TLDC2: variants seen among roughly 807,000 people sequenced by gnomAD.
The protein encoded by TLDC2 is TLD domain-containing protein 2.
TLDC2 carries 23 observed loss-of-function variants against 27.9 expected under a neutral mutation model. That is an observed-to-expected ratio of 0.82 (90% CI 0.59 to 1.17). The LOEUF (loss-of-function observed/expected upper bound fraction) is 1.17. Among genes scored for constraint, TLDC2 ranks in the 50% most tolerant of loss-of-function variants. The pLI is 0.00. For missense variants in TLDC2, 286 were observed against 273.4 expected (o/e 1.05, Z -0.32); for synonymous variants, 124 against 107.4 (o/e 1.16, Z -0.96).
chr20:36,877,670 G>A (rs1468111021), intron 1 of TLDC2, among the ~76,000 whole-genome samples: 1 of 152,156 alleles, frequency 6.6e-6, no homozygotes, highest in Non-Finnish European at 1.5e-5. Context: ...GGGGTGGGGG[G>A]ACTGTGCTCC....
intron 4 of TLDC2, among the ~76,000 whole-genome samples, chr20:36,884,764 AAAATAAAT>A (rs11472647): frequency 3.7e-4 from 53 of 144,664 alleles, no homozygotes; most frequent in Middle Eastern, 3.5e-3. Context: ...CCTGTCTCTA[AAAATAAAT>A]AAATAAATAA....
At chr20:36,888,286 C>A (rs1989970087) in intron 5 of TLDC2, among the ~76,000 whole-genome samples, 1 of 151,696 alleles carries the variant, frequency 6.6e-6, no homozygotes, top group African/African-American at 2.4e-5. Context: ...GGCTGGAGTG[C>A]AGTGGTGTGA....
chr20:36,880,070 C>CATATATATATGTAT (rs1568748341), intron 3 of TLDC2, among the ~76,000 whole-genome samples: 1 of 73,054 alleles, frequency 1.4e-5, no homozygotes, highest in African/African-American at 4.7e-5. Flanking sequence ...TATATATATA[C>CATATATATATGTAT]ATATATATAT....
intron 6 of TLDC2, chr20:36,890,156 G>A (rs1990025737): frequency 6.6e-6 from 1 of 152,230 alleles, no homozygotes; most frequent in African/African-American, 2.4e-5. Context: ...TATGAAAGGA[G>A]TAAATGAGTA....
Position 36,893,182 on chromosome 20 carries a change from C to T in TLDC2, c.*338C>T. 7.6e-7 allele frequency: 1 copy of T among 1,315,210 alleles called. No homozygotes were observed. The highest frequency in any genetic ancestry group is 1.5e-5 in the African/African-American group (1 of 68,754). 81.5% of individuals were successfully genotyped at this position (1,315,210 alleles called of 1,614,324 possible). On this transcript the variant is annotated 3_prime_UTR_variant, in exon 7 of 7. Coordinates refer to ENST00000217320, the MANE Select transcript of TLDC2 (RefSeq NM_080628.3). ...CATCTTGCATATAGATTGCTTCTAG[C>T]TGTCCTCAATCCAGGGAAACTCCAA...
intron 6 of TLDC2, chr20:36,890,396 C>CCCTTTTTCTTTCTTTCTTTCTTTCTT: frequency 7.0e-6 from 1 of 142,450 alleles, no homozygotes; most frequent in East Asian, 2.1e-4. Flanking sequence ...ATATTTCTTT[C>CCCTTTTTCTTTCTTTCTTTCTTTCTT]TCTTTCTTTC....
At chr20:36,877,744 C>T (rs1280133027) in intron 1 of TLDC2, among the ~76,000 whole-genome samples, 155 bp from the exon 2 acceptor site, 6 of 152,156 alleles carry the variant, frequency 3.9e-5, no homozygotes, top group South Asian at 2.1e-4. Flanking sequence ...TCCTGTCTGT[C>T]GTGGAAACCC....
At chr20:36,887,791 A>T (rs1291139) in intron 5 of TLDC2, among the ~76,000 whole-genome samples, 115,150 of 152,120 alleles carry the variant, frequency 0.76, 44,611 homozygotes, top group Middle Eastern at 0.88. Flanking sequence ...ACTTTGGGAA[A>T]AGAATTCCAC....
intron 5 of TLDC2, among the ~76,000 whole-genome samples, chr20:36,887,808 G>A (rs1989956191): frequency 6.6e-6 from 1 of 152,216 alleles, no homozygotes; most frequent in African/African-American, 2.4e-5. Flanking sequence ...CCACATGGTT[G>A]GATGAGACTA....
Position 36,889,314 on chromosome 20 carries a change from C to T in TLDC2, c.576C>T (p.Thr192=). ...GCGGGGGAAGCTCCCCTTGCCCGAC[C>T]TTCAACAACGAGGTGCTGGCCCGGC... ...LFRGGSSPCP[T]FNNEVLARQE... The change falls in exon 6 of 7, where the codon ACC becomes ACT. Residue 192 remains threonine (T), a synonymous_variant. Coordinates refer to ENST00000217320, the MANE Select transcript of TLDC2 (RefSeq NM_080628.3). 6.2e-7 allele frequency: 1 copy of T among 1,614,210 alleles called. No homozygotes were observed. The highest frequency in any genetic ancestry group is 8.5e-7 in the Non-Finnish European group (1 of 1,180,036).
At chr20:36,888,946 C>T (rs1218405840) in intron 5 of TLDC2, among the ~76,000 whole-genome samples, 2 of 151,930 alleles carry the variant, frequency 1.3e-5, no homozygotes, top group Non-Finnish European at 2.9e-5. Flanking sequence ...TGCTTGAACC[C>T]GGGAGGTGGA....
At chr20:36,886,455 T>G (rs1478424099) in intron 4 of TLDC2, among the ~76,000 whole-genome samples, 1 of 151,954 alleles carries the variant, frequency 6.6e-6, no homozygotes, top group Non-Finnish European at 1.5e-5. Context: ...TAGCCGGGCG[T>G]GGTGGTGCGT....
In TLDC2 at chr20:36,889,297, A is replaced by G; in HGVS notation, c.559A>G (p.Ser187Gly). The change falls in exon 6 of 7, where the codon AGC becomes GGC. Residue 187 changes from serine to glycine, a missense_variant. Ser to Gly is a moderately conservative substitution (Grantham distance 56). Transcript: ENST00000217320. The part of the protein sequence containing the change: ...WLDGDLFRGG[S>G]SPCPTFNNEV... The stretch of plus-strand genomic sequence containing the variant: ...GGATGGAGACTTGTTCCGCGGGGGA[A>G]GCTCCCCTTGCCCGACCTTCAACAA... 6.2e-7 allele frequency: 1 copy of G among 1,614,126 alleles called. No homozygotes were observed.
At chr20:36,880,080 T>TATATATATATGTATATATATAC (rs1327345650) in intron 3 of TLDC2, among the ~76,000 whole-genome samples, 1 of 44,500 alleles carries the variant, frequency 2.2e-5, no homozygotes, top group Non-Finnish European at 6.5e-5. Context: ...CATATATATA[T>TATATATATATGTATATATATAC]ATATATATAT....
intron 3 of TLDC2, 68 bp from the exon 4 acceptor site, chr20:36,880,587 G>A: frequency 7.2e-7 from 1 of 1,384,204 alleles, no homozygotes; most frequent in Non-Finnish European, 1.0e-6. Context: ...TACTAAACCT[G>A]AAGAATGAGG....
At chr20:36,877,794 G>C in intron 1 of TLDC2, 105 bp from the exon 2 acceptor site, 1 of 1,333,580 alleles carries the variant, frequency 7.5e-7, no homozygotes. Context: ...CAGGCACATG[G>C]GCAGGGAGTG....
In TLDC2 at chr20:36,877,980, G is replaced by A. The variant is rs1463058044; in HGVS notation, c.115G>A (p.Ala39Thr). 6.2e-7 allele frequency: 1 copy of A among 1,614,036 alleles called. No individual in the cohort carries two copies. The highest frequency in any genetic ancestry group is 1.3e-5 in the African/African-American group (1 of 74,944). Residue 39 changes from alanine to threonine, a missense_variant, in exon 2 of 7, where the codon GCT becomes ACT. Coordinates refer to ENST00000217320, the MANE Select transcript of TLDC2 (RefSeq NM_080628.3). ...GGAGGAGGCAGCTCCAGACCCAGCT[G>A]CTGCTCCTGAGGATCCCACGGTGCC... ...EEEEAAPDPA[A>T]APEDPTVPQL...
In TLDC2 at chr20:36,889,341, G is replaced by A. The variant is rs1481162556; in HGVS notation, c.603G>A (p.Gln201=). The change falls in exon 6 of 7, where the codon CAG becomes CAA. Residue 201 remains glutamine (Q), a synonymous_variant. Coordinates refer to ENST00000217320, the MANE Select transcript of TLDC2 (RefSeq NM_080628.3). ...PTFNNEVLAR[Q]EQFCIQELEA... ...TCAACAACGAGGTGCTGGCCCGGCA[G>A]GAGCAGTTCTGCATCCAGGAGCTGG... is the stretch of plus-strand genomic sequence containing the variant. 2 of 1,614,094 alleles carry A rather than the reference G, an allele frequency of 1.2e-6. No individual in the cohort carries two copies. Among genetic ancestry groups the A allele is most frequent in the Non-Finnish European group, 1.7e-6 (2 of 1,180,046 alleles).
intron 1 of TLDC2, among the ~76,000 whole-genome samples, chr20:36,876,639 ACACT>A (rs1227532524): frequency 2.0e-5 from 3 of 152,062 alleles, no homozygotes; most frequent in African/African-American, 7.2e-5. Context: ...TAACATATAC[ACACT>A]CACACGCATA....
Sources: gnomAD v4.1 joint callset for allele counts (sites outside exome capture counted in the v4.1 genomes callset) on GRCh38, gnomAD v4.1.1 for gene constraint, MANE v1.5 for transcripts, NCBI Gene and HGNC (gene_info 2026-07-23, HGNC 2026-07-21) for gene names.